Variants in NCKAP5 observed in about 807,000 individuals in gnomAD.
The protein encoded by NCKAP5 is NCK associated protein 5, also known as nck-associated protein 5.
NCKAP5 carries 92 observed loss-of-function variants against 167.0 expected under a neutral mutation model. The observed-to-expected ratio is 0.55, with a 90% CI of 0.47 to 0.66. The LOEUF is 0.66. Ranked by LOEUF, NCKAP5 falls within the 30% of genes least tolerant of loss-of-function variation. The pLI, the probability that NCKAP5 is intolerant of heterozygous loss-of-function variation, is 0.00. For synonymous variants in NCKAP5, 891 were observed against 877.4 expected (o/e 1.02, Z -0.27); for missense variants, 2,378 against 2,315.0 (o/e 1.03, Z -0.56).
intron 16 of NCKAP5, among the ~76,000 whole-genome samples, chr2:132,736,575 T>A (rs1322683610): frequency 1.2e-4 from 18 of 150,832 alleles, no homozygotes; most frequent in Non-Finnish European, 2.7e-4. Context: ...TGTCAAGAGA[T>A]CGAGACCATC....
chr2:133,632,697 C>A, the NCKAP5 span, among the ~76,000 whole-genome samples: 1 of 152,148 alleles, frequency 6.6e-6, no homozygotes, highest in Non-Finnish European at 1.5e-5. Flanking sequence ...TCTGTATTCA[C>A]CAAGATGTCA....
Position 133,525,620 on chromosome 2 carries a change from C to T in NCKAP5, c.-61-8033G>A, listed in dbSNP as rs374274430. On this transcript the variant is annotated intron_variant, in intron 2 of 19. Transcript: ENST00000409261. ...TCAGTAATTTCTCTCACTATTAAAACAAATTATTGAGATATAATTCGTATA... is the reference window on the plus strand; with the variant it reads ...TCAGTAATTTCTCTCACTATTAAAATAAATTATTGAGATATAATTCGTATA... 5.9e-5 allele frequency among the ~76,000 whole-genome samples: 9 copies of T among 152,344 alleles called. No individual in the cohort carries two copies. In the South Asian group the frequency reaches 6.2e-4, roughly 11 times the overall value.
chr2:133,425,171 G>A (rs1689713164), intron 3 of NCKAP5, among the ~76,000 whole-genome samples: 1 of 152,296 alleles, frequency 6.6e-6, no homozygotes, highest in Non-Finnish European at 1.5e-5. Context: ...CCCTGGTTAG[G>A]GGATCAAACC....
At chr2:132,922,467 G>A (rs1416378220) in intron 8 of NCKAP5, among the ~76,000 whole-genome samples, 1 of 152,114 alleles carries the variant, frequency 6.6e-6, no homozygotes, top group Non-Finnish European at 1.5e-5. Flanking sequence ...AGACCCCAAA[G>A]GTTTTAGGAT....
At chr2:133,364,922 T>C (rs1054727634) in intron 3 of NCKAP5, among the ~76,000 whole-genome samples, 1 of 152,066 alleles carries the variant, frequency 6.6e-6, no homozygotes, top group Non-Finnish European at 1.5e-5. Flanking sequence ...GGCTAATTTT[T>C]AAACTTTTTG....
At chr2:133,217,567 C>G (rs189696874) in intron 4 of NCKAP5, among the ~76,000 whole-genome samples, 1 of 152,110 alleles carries the variant, frequency 6.6e-6, no homozygotes, top group Non-Finnish European at 1.5e-5. Flanking sequence ...CAGTAGCAAC[C>G]AAAAATGATG....
chr2:132,957,189 C>T (rs1273109106), intron 8 of NCKAP5, among the ~76,000 whole-genome samples: 1 of 152,126 alleles, frequency 6.6e-6, no homozygotes, highest in Admixed American at 6.6e-5. Flanking sequence ...CAATTGCATG[C>T]TAATTTTGCT....
intron 12 of NCKAP5, among the ~76,000 whole-genome samples, chr2:132,794,251 TATATATATATATAGAG>T (rs1235209205): frequency 1.3e-3 from 76 of 58,808 alleles, no homozygotes; most frequent in South Asian, 2.5e-3. Context: ...TATATATATA[TATATATATATATAGAG>T]AGAGAGAGAG....
At chr2:133,331,070 A>G (rs1338507630) in intron 3 of NCKAP5, among the ~76,000 whole-genome samples, 1 of 152,146 alleles carries the variant, frequency 6.6e-6, no homozygotes, top group Admixed American at 6.5e-5. Flanking sequence ...GTGTGTGTGT[A>G]TGTGAGTGTA....
At chr2:132,713,777 A>C (rs1689093320) in intron 19 of NCKAP5, among the ~76,000 whole-genome samples, 1 of 152,180 alleles carries the variant, frequency 6.6e-6, no homozygotes, top group Admixed American at 6.5e-5. Flanking sequence ...AACATTCTGT[A>C]TGATGCTTGT....
At chr2:132,887,573 C>T (rs1442865509) in intron 8 of NCKAP5, among the ~76,000 whole-genome samples, 4 of 152,172 alleles carry the variant, frequency 2.6e-5, no homozygotes, top group African/African-American at 9.7e-5. Flanking sequence ...AAGAGTCGGG[C>T]TCATCTCCTA....
intron 10 of NCKAP5, among the ~76,000 whole-genome samples, chr2:132,862,520 G>C (rs1224561688): frequency 6.6e-6 from 1 of 152,184 alleles, no homozygotes. Flanking sequence ...CCATTTGGCA[G>C]AGGCCATTGT....
At chr2:133,411,442 G>A (rs1452666615) in intron 3 of NCKAP5, among the ~76,000 whole-genome samples, 1 of 152,228 alleles carries the variant, frequency 6.6e-6, no homozygotes, top group Non-Finnish European at 1.5e-5. Context: ...GAAGCTGTGT[G>A]GGATGAGGAG....
At chr2:132,848,396 G>A (rs911748828) in intron 11 of NCKAP5, among the ~76,000 whole-genome samples, 1 of 152,034 alleles carries the variant, frequency 6.6e-6, no homozygotes, top group East Asian at 1.9e-4. Context: ...ACGGCTTTTT[G>A]CACTCATATC....
chr2:133,394,470 T>C (rs541039459), intron 3 of NCKAP5, among the ~76,000 whole-genome samples: 1 of 152,202 alleles, frequency 6.6e-6, no homozygotes, highest in Non-Finnish European at 1.5e-5. Context: ...TGGAAGCTAC[T>C]GCAGGCTACA....
chr2:132,707,028 A>C (rs1271568373), intron 19 of NCKAP5, among the ~76,000 whole-genome samples: 1 of 152,206 alleles, frequency 6.6e-6, no homozygotes, highest in African/African-American at 2.4e-5. Flanking sequence ...ACAATAATCC[A>C]CACAAAAAGA....
intron 19 of NCKAP5, among the ~76,000 whole-genome samples, chr2:132,709,768 A>G (rs1688680095): frequency 6.6e-6 from 1 of 152,136 alleles, no homozygotes; most frequent in Non-Finnish European, 1.5e-5. Context: ...CACAAATTCA[A>G]GGGCTAAATC....
rs576034994 is a variant in NCKAP5, at chr2:133,346,523, T to C, written c.70-43413A>G. 7.9e-5 allele frequency among the ~76,000 whole-genome samples: 12 copies of C among 152,324 alleles called. No homozygotes were observed. In the East Asian group the frequency reaches 1.9e-3, roughly 25 times the overall value. ...CTAAGGGAAAACATGTTAGAAAAGA[T>C]GTGATTAGTCTCATAGCCTCTTAGA... On this transcript the variant is annotated intron_variant, in intron 3 of 19. Transcript: ENST00000409261.
intron 6 of NCKAP5, among the ~76,000 whole-genome samples, chr2:133,029,277 T>C (rs2078799655): frequency 6.6e-6 from 1 of 152,198 alleles, no homozygotes; most frequent in African/African-American, 2.4e-5. Flanking sequence ...GGTAAGTATA[T>C]CACTGTGGTA....
Sources: gnomAD v4.1 joint callset for allele counts (sites outside exome capture counted in the v4.1 genomes callset) on GRCh38, gnomAD v4.1.1 for gene constraint, MANE v1.5 for transcripts, NCBI Gene and HGNC (gene_info 2026-07-23, HGNC 2026-07-21) for gene names.